The following AGFG1 variants were observed in gnomAD, a reference collection of about 807,000 sequenced individuals.
AGFG1 encodes ArfGAP with FG repeats 1.
Under a neutral mutation model 60.6 loss-of-function variants are expected in AGFG1, and 10 were observed. The observed-to-expected ratio is 0.16, with a 90% CI of 0.10 to 0.28. The LOEUF is 0.28. Among genes scored for constraint, AGFG1 ranks in the 10% least tolerant of loss-of-function variants. The pLI, the probability that AGFG1 is intolerant of heterozygous loss-of-function variation, is 1.00. For missense variants in AGFG1, 537 were observed against 676.5 expected (o/e 0.79, Z 2.29); for synonymous variants, 247 against 242.9 (o/e 1.02, Z -0.16).
At chr2:227,474,818 C>T (rs1375543621) in intron 1 of AGFG1, among the ~76,000 whole-genome samples, 1 of 152,148 alleles carries the variant, frequency 6.6e-6, no homozygotes, top group Admixed American at 6.5e-5. Context: ...GGCTTTGAAT[C>T]CTGACTCCAA....
chr2:227,484,677 G>GTTTTTTTTTTTTTTTTTTT, intron 1 of AGFG1, among the ~76,000 whole-genome samples: 1 of 115,898 alleles, frequency 8.6e-6, no homozygotes, highest in African/African-American at 3.3e-5. Context: ...AGATCTCTTA[G>GTTTTTTTTTTTTTTTTTTT]TTTTTTTTTT....
At chr2:227,508,269 A>G (rs1449216583) in intron 2 of AGFG1, 1 of 171,126 alleles carries the variant, frequency 5.8e-6, no homozygotes, top group Non-Finnish European at 1.3e-5. Flanking sequence ...GATCACTATG[A>G]TTGAGTCCTA....
At chr2:227,502,824 G>A (rs1691198944) in intron 2 of AGFG1, among the ~76,000 whole-genome samples, 1 of 152,098 alleles carries the variant, frequency 6.6e-6, no homozygotes, top group African/African-American at 2.4e-5. Flanking sequence ...ATTAATTTTA[G>A]TGTATGGTGT....
At chr2:227,503,335 A>G (rs993123670) in intron 2 of AGFG1, among the ~76,000 whole-genome samples, 1 of 152,088 alleles carries the variant, frequency 6.6e-6, no homozygotes, top group African/African-American at 2.4e-5. Context: ...TATGCCATAC[A>G]ACACTGTCTT....
chr2:227,504,977 C>T (rs1043871057), intron 2 of AGFG1, among the ~76,000 whole-genome samples: 3 of 152,114 alleles, frequency 2.0e-5, no homozygotes, highest in African/African-American at 7.2e-5. Context: ...GTTGTGGATC[C>T]ACGTTACTGA....
chr2:227,496,110 C>CA (rs748201686), intron 2 of AGFG1, among the ~76,000 whole-genome samples: 85 of 37,268 alleles, frequency 2.3e-3, no homozygotes, highest in East Asian at 6.1e-3. Context: ...GAGACTGTCT[C>CA]AAAAAAAAAA....
intron 10 of AGFG1, among the ~76,000 whole-genome samples, chr2:227,543,050 CTTCT>C (rs759282831): frequency 3.3e-4 from 50 of 151,932 alleles, no homozygotes; most frequent in Non-Finnish European, 4.9e-4. Flanking sequence ...TCTCTCTTTT[CTTCT>C]TTATTAGTCT....
chr2:227,541,350 C>G (rs184226951), intron 10 of AGFG1, among the ~76,000 whole-genome samples: 35 of 152,284 alleles, frequency 2.3e-4, no homozygotes, highest in Non-Finnish European at 4.7e-4. Context: ...AGTCTTTAAT[C>G]CATCTTGAAT....
chr2:227,554,499 T>C lies in AGFG1; in HGVS notation c.*4T>C. ...ATCAACCAATCCTTTCTTATAGCCT[T>C]ATATAGACAATTTACTGGAACGAAC... On this transcript the variant is annotated 3_prime_UTR_variant, in exon 13 of 13. Coordinates refer to ENST00000310078, the MANE Select transcript of AGFG1 (RefSeq NM_004504.5). 6.2e-7 allele frequency: 1 copy of C among 1,612,274 alleles called. No individual in the cohort carries two copies. The highest frequency in any genetic ancestry group is 8.5e-7 in the Non-Finnish European group (1 of 1,178,966).
chr2:227,477,367 A>G (rs1284329271), intron 1 of AGFG1, among the ~76,000 whole-genome samples: 1 of 152,230 alleles, frequency 6.6e-6, no homozygotes, highest in Non-Finnish European at 1.5e-5. Flanking sequence ...AGTAACAGTG[A>G]TGTGAGGAAG....
rs574666409 is a variant in AGFG1 at position 227,506,893 on chromosome 2, G to T, written c.262-13055G>T. Among the ~76,000 whole-genome samples the T allele has an allele frequency of 4.5e-4, 69 of 152,216 alleles. No individual in the cohort carries two copies. In the South Asian group the frequency reaches 0.014, roughly 32 times the overall value. ...GTGTCAACGTTCCTCTGTTCTCCCAGTTACCTATAAACCGGTGGTTGGCTG... is the reference window on the plus strand; with the variant it reads ...GTGTCAACGTTCCTCTGTTCTCCCATTTACCTATAAACCGGTGGTTGGCTG... On this transcript the variant is annotated intron_variant, in intron 2 of 12. Transcript: ENST00000310078.
intron 2 of AGFG1, among the ~76,000 whole-genome samples, chr2:227,498,369 T>G (rs181417728): frequency 9.8e-5 from 15 of 152,318 alleles, no homozygotes; most frequent in African/African-American, 3.6e-4. Context: ...GAAAAACATT[T>G]TAAACTACAA....
chr2:227,479,074 A>G (rs1253083904), intron 1 of AGFG1, among the ~76,000 whole-genome samples: 3 of 152,262 alleles, frequency 2.0e-5, no homozygotes, highest in Non-Finnish European at 2.9e-5. Flanking sequence ...AGCAGGAGAA[A>G]GTGGCCTTCT....
chr2:227,498,153 AT>A (rs1691040807), intron 2 of AGFG1, among the ~76,000 whole-genome samples: 1 of 151,956 alleles, frequency 6.6e-6, no homozygotes, highest in African/African-American at 2.4e-5. Flanking sequence ...TTAAAAAAAA[AT>A]TTTTTTCCCC....
At chr2:227,500,195 G>A (rs937523670) in intron 2 of AGFG1, among the ~76,000 whole-genome samples, 4 of 152,180 alleles carry the variant, frequency 2.6e-5, no homozygotes, top group African/African-American at 9.7e-5. Context: ...CAAAGGCCAT[G>A]CCTGCAAGAA....
At chr2:227,539,714 C>T (rs1336082720) in intron 10 of AGFG1, among the ~76,000 whole-genome samples, 2 of 131,670 alleles carry the variant, frequency 1.5e-5, no homozygotes, top group Non-Finnish European at 3.1e-5. Context: ...CACCACACTT[C>T]AGCCTAGCTG....
At chr2:227,520,565 A>G (rs1440153082) in intron 3 of AGFG1, among the ~76,000 whole-genome samples, 2 of 152,222 alleles carry the variant, frequency 1.3e-5, no homozygotes, top group African/African-American at 4.8e-5. Flanking sequence ...TTTCTGGTTA[A>G]GAAGGGAGCA....
chr2:227,552,511 CT>C (rs1386061748), intron 11 of AGFG1, among the ~76,000 whole-genome samples: 6 of 151,990 alleles, frequency 3.9e-5, no homozygotes, highest in African/African-American at 1.2e-4. Flanking sequence ...GTGAAATAGA[CT>C]ACTTTTCTAA....
intron 1 of AGFG1, among the ~76,000 whole-genome samples, chr2:227,479,311 A>G (rs949758737): frequency 3.9e-5 from 6 of 152,196 alleles, no homozygotes; most frequent in Non-Finnish European, 8.8e-5. Flanking sequence ...TTCCCTATTC[A>G]TTCATCCATC....
Sources: allele counts gnomAD v4.1 joint callset (sites outside exome capture counted in the v4.1 genomes callset), GRCh38; gene constraint gnomAD v4.1.1; transcripts MANE v1.5; gene names NCBI Gene and HGNC (gene_info 2026-07-23, HGNC 2026-07-21).